PRKN: variants seen among roughly 807,000 people sequenced by gnomAD.
The protein encoded by PRKN is E3 ubiquitin-protein ligase parkin.
PRKN carries 56 observed loss-of-function variants against 59.5 expected under a neutral mutation model. The observed-to-expected ratio is 0.94, with a 90% CI of 0.76 to 1.18. The LOEUF (loss-of-function observed/expected upper bound fraction) is 1.18. Ranked by LOEUF, PRKN falls within the 50% of genes most tolerant of loss-of-function variation. The pLI is 0.00. For missense variants in PRKN, 657 were observed against 596.4 expected, an observed-to-expected ratio of 1.10 and a Z score of -1.06; for synonymous variants, 250 against 222.1, an observed-to-expected ratio of 1.13 and a Z score of -1.12.
intron 1 of PRKN, among the ~76,000 whole-genome samples, chr6:162,717,476 C>T (rs904813067): frequency 9.4e-5 from 14 of 148,498 alleles, no homozygotes; most frequent in South Asian, 2.1e-4. Context: ...CCCAGCTATT[C>T]GGGAAGTTGA....
chr6:161,763,115 A>G (rs908896518), intron 7 of PRKN, among the ~76,000 whole-genome samples: 5 of 152,168 alleles, frequency 3.3e-5, no homozygotes, highest in Admixed American at 1.3e-4. Flanking sequence ...TAGAAAACTT[A>G]TGTGTCATTC....
chr6:162,431,561 A>AC lies in PRKN; in HGVS notation c.171+11748_171+11749insG, dbSNP rs902241054. On this transcript the variant is annotated intron_variant, in intron 2 of 11. Transcript: ENST00000366898. ...CTACAGAGCAAGACTCTGTCTCAAA[A>AC]AAAACAAAACAAAACAAAAACAAAA... 5.3e-5 allele frequency among the ~76,000 whole-genome samples: 8 copies of AC among 152,128 alleles called. 1 individual carries two copies. The highest frequency in any genetic ancestry group is 1.7e-4 in the African/African-American group (7 of 41,398).
intron 3 of PRKN, among the ~76,000 whole-genome samples, chr6:162,216,536 C>CA (rs35025497): frequency 0.3 from 10,408 of 34,274 alleles, 1,878 homozygotes; most frequent in East Asian, 0.49. Context: ...GACTCCGTCT[C>CA]AAAAAAAAAA....
At chr6:161,604,488 A>T (rs1168547238) in intron 7 of PRKN, among the ~76,000 whole-genome samples, 1 of 152,200 alleles carries the variant, frequency 6.6e-6, no homozygotes, top group African/African-American at 2.4e-5. Flanking sequence ...CTAGGCCTTT[A>T]GGGCAGAACG....
intron 7 of PRKN, among the ~76,000 whole-genome samples, chr6:161,666,207 G>A (rs1348275327): frequency 6.6e-6 from 1 of 152,234 alleles, no homozygotes; most frequent in Non-Finnish European, 1.5e-5. Flanking sequence ...ACCAGTACCT[G>A]TCCGTAGCCT....
chr6:162,314,610 CCT>C (rs1782668241), intron 2 of PRKN, among the ~76,000 whole-genome samples: 1 of 152,140 alleles, frequency 6.6e-6, no homozygotes, highest in Admixed American at 6.6e-5. Flanking sequence ...AACTTACTCC[CCT>C]GACTGTCCTC....
At chr6:161,940,216 A>G (rs1360172282) in intron 6 of PRKN, among the ~76,000 whole-genome samples, 1 of 152,092 alleles carries the variant, frequency 6.6e-6, no homozygotes, top group Non-Finnish European at 1.5e-5. Flanking sequence ...TTCTTAGGCC[A>G]TGCTTGCTGA....
intron 4 of PRKN, among the ~76,000 whole-genome samples, chr6:162,128,798 G>A (rs747819618): frequency 2.0e-5 from 3 of 152,148 alleles, no homozygotes; most frequent in East Asian, 1.9e-4. Flanking sequence ...GAGCTGCCTC[G>A]CCTCTTCCAC....
chr6:161,839,478 G>A (rs1792895180), intron 6 of PRKN, among the ~76,000 whole-genome samples: 1 of 152,078 alleles, frequency 6.6e-6, no homozygotes, highest in Non-Finnish European at 1.5e-5. Flanking sequence ...CTCCTGACAG[G>A]GAGCACAGCA....
At chr6:162,306,193 C>G (rs9347616) in intron 2 of PRKN, among the ~76,000 whole-genome samples, 1 of 151,994 alleles carries the variant, frequency 6.6e-6, no homozygotes, top group African/African-American at 2.4e-5. Flanking sequence ...CCTAAATGAA[C>G]CCTAGTCTAC....
intron 7 of PRKN, among the ~76,000 whole-genome samples, chr6:161,611,786 A>C (rs1782497154): frequency 1.3e-5 from 2 of 152,204 alleles, no homozygotes; most frequent in South Asian, 4.1e-4. Context: ...AAAAACTAGA[A>C]ATGATTAAGC....
intron 9 of PRKN, among the ~76,000 whole-genome samples, chr6:161,465,247 C>A (rs1302542083): frequency 6.6e-6 from 1 of 152,168 alleles, no homozygotes; most frequent in African/African-American, 2.4e-5. Context: ...TGGCTTGCTT[C>A]TTTTGGTAAT....
chr6:162,381,090 A>C (rs1346580115), intron 2 of PRKN, among the ~76,000 whole-genome samples: 1 of 152,062 alleles, frequency 6.6e-6, no homozygotes, highest in African/African-American at 2.4e-5. Flanking sequence ...TCTGCAGAGC[A>C]CACCTGCATC....
At chr6:161,680,773 A>T (rs12213163) in intron 7 of PRKN, among the ~76,000 whole-genome samples, 7,165 of 19,028 alleles carry the variant, frequency 0.38, 981 homozygotes, top group African/African-American at 0.51. Flanking sequence ...ATATATATAT[A>T]TATTTTTTTT....
intron 9 of PRKN, among the ~76,000 whole-genome samples, chr6:161,464,413 T>A (rs1790352484): frequency 3.3e-5 from 5 of 152,232 alleles, no homozygotes; most frequent in Non-Finnish European, 7.3e-5. Flanking sequence ...AATCTCAGAT[T>A]TTCTTTTTTA....
intron 2 of PRKN, among the ~76,000 whole-genome samples, chr6:162,289,245 C>T (rs571049605): frequency 3.9e-5 from 6 of 152,124 alleles, no homozygotes; most frequent in South Asian, 2.1e-4. Context: ...TGCACATCGT[C>T]CTGCCTCTGT....
At chr6:162,028,170 T>C (rs1194636853) in intron 5 of PRKN, among the ~76,000 whole-genome samples, 4 of 152,184 alleles carry the variant, frequency 2.6e-5, no homozygotes, top group African/African-American at 9.7e-5. Context: ...GGTTGTTTAT[T>C]GACGTATTTT....
At chr6:161,878,791 A>C (rs1304213006) in intron 6 of PRKN, among the ~76,000 whole-genome samples, 4 of 152,194 alleles carry the variant, frequency 2.6e-5, no homozygotes, top group African/African-American at 9.7e-5. Context: ...TGAGATTTCC[A>C]TTCTTTGGTG....
chr6:162,036,470 C>T (rs1783854175), intron 5 of PRKN, among the ~76,000 whole-genome samples: 1 of 151,754 alleles, frequency 6.6e-6, no homozygotes, highest in South Asian at 2.1e-4. Context: ...ACCTCTGCCT[C>T]CCAGGTTCAA....
Sources: allele counts gnomAD v4.1 joint callset (sites outside exome capture counted in the v4.1 genomes callset), GRCh38; gene constraint gnomAD v4.1.1; transcripts MANE v1.5; gene names NCBI Gene and HGNC (gene_info 2026-07-23, HGNC 2026-07-21).